The following SCIN variants were observed in gnomAD, a reference collection of about 807,000 sequenced individuals.
SCIN encodes the protein adseverin.
SCIN carries 91 observed loss-of-function variants against 91.8 expected under a neutral mutation model. The observed-to-expected ratio is 0.99, with a 90% CI of 0.84 to 1.18. SCIN has a LOEUF of 1.18. Ranked by LOEUF, SCIN falls within the 50% of genes most tolerant of loss-of-function variation. SCIN has a pLI of 0.00. For synonymous variants in SCIN, 367 were observed against 312.6 expected (o/e 1.17, Z -1.84); for missense variants, 1,087 against 863.9 (o/e 1.26, Z -3.24).
intron 3 of SCIN, among the ~76,000 whole-genome samples, chr7:12,589,764 G>T (rs892403147): frequency 6.6e-6 from 1 of 152,158 alleles, no homozygotes; most frequent in Admixed American, 6.5e-5. Context: ...CGGCTTGTTG[G>T]CAGAGGAGAT....
intron 10 of SCIN, among the ~76,000 whole-genome samples, chr7:12,639,125 C>T (rs1321627725): frequency 6.6e-6 from 1 of 152,160 alleles, no homozygotes; most frequent in African/African-American, 2.4e-5. Context: ...AATATATTAA[C>T]CATATTGAAC....
intron 13 of SCIN, among the ~76,000 whole-genome samples, chr7:12,647,759 A>C (rs1454390922): frequency 1.3e-5 from 2 of 152,230 alleles, no homozygotes; most frequent in African/African-American, 4.8e-5. Context: ...TTTATTTTGT[A>C]TAACAATCTC....
rs555404245 is a variant in SCIN, at chr7:12,627,966, C to T, written c.1198-1135C>T. On this transcript the variant is annotated intron_variant, in intron 8 of 15. Transcript: ENST00000297029. ...GCACTGCACTGTTCCTGTCCACTTG[C>T]TTATCTTCAGATTTCAAAGCAAAGA... Among the ~76,000 whole-genome samples, 4 of 152,172 alleles carry T rather than the reference C, an allele frequency of 2.6e-5. No individual in the cohort carries two copies. In the East Asian group the frequency reaches 7.7e-4, roughly 29 times the overall value.
intron 3 of SCIN, among the ~76,000 whole-genome samples, chr7:12,602,954 A>G (rs1782988283): frequency 1.3e-5 from 2 of 152,206 alleles, no homozygotes; most frequent in Non-Finnish European, 2.9e-5. Flanking sequence ...AAGAAATTAT[A>G]AGAGCATTAT....
chr7:12,580,912 T>C, intron 2 of SCIN, 148 bp from the exon 3 acceptor site: 1 of 655,672 alleles, frequency 1.5e-6, no homozygotes, highest in Non-Finnish European at 2.5e-6. Flanking sequence ...TCTCTTGTTT[T>C]ATGGAATAGG....
intron 15 of SCIN, 138 bp downstream of exon 15, chr7:12,652,039 A>G (rs1356381297): frequency 1.7e-6 from 1 of 593,114 alleles, no homozygotes; most frequent in African/African-American, 1.9e-5. Context: ...CTCAAAACTA[A>G]AGAGTAATGG....
chr7:12,613,807 T>C (rs1034116004), intron 4 of SCIN, among the ~76,000 whole-genome samples: 2 of 152,188 alleles, frequency 1.3e-5, no homozygotes, highest in Non-Finnish European at 1.5e-5. Context: ...GATGGTTTCT[T>C]CATGTAAATA....
At position 12,636,109 on chromosome 7, in the gene SCIN, C is replaced by A. The variant is rs771548886; in HGVS notation, c.1384C>A (p.Arg462=). The change falls in exon 10 of 16, where the codon CGG becomes AGG. Residue 462 remains arginine, a synonymous_variant. Coordinates refer to ENST00000297029, the MANE Select transcript of SCIN (RefSeq NM_001112706.3). ...TSAFLTVQLD[R]SLGGQAVQIR... ...TGCGTTCCTGACTGTTCAGTTGGAT[C>A]GGTCCCTTGGAGGACAGGCTGTGCA... The A allele has an allele frequency of 1.2e-6, 2 of 1,612,882 alleles. No individual in the cohort carries two copies. The highest frequency in any genetic ancestry group is 1.1e-5 in the South Asian group (1 of 90,716).
intron 8 of SCIN, among the ~76,000 whole-genome samples, chr7:12,628,015 T>C (rs1783563419): frequency 6.9e-6 from 1 of 145,838 alleles, no homozygotes; most frequent in South Asian, 2.3e-4. Context: ...AACTGAGAAC[T>C]TAGGCAAGTG....
At position 12,660,041 on chromosome 7, in the gene SCIN, A is replaced by G. The variant is rs1784232474; in HGVS notation, c.*7326A>G. ...TACTTTGTGAGATCCACCCCCTGCC[A>G]GCAAAACATTGCTCCTGACTCCACC... is the stretch of plus-strand genomic sequence containing the variant. On this transcript the variant is annotated 3_prime_UTR_variant, in exon 16 of 16. Coordinates refer to ENST00000297029, the MANE Select transcript of SCIN (RefSeq NM_001112706.3). 1.3e-5 allele frequency: 2 copies of G among 152,232 alleles called. No homozygotes were observed. Among genetic ancestry groups the G allele is most frequent in the African/African-American group, 4.8e-5 (2 of 41,412 alleles). The allele number at this position is 152,232 out of a possible 1,614,324, so 9.4% of individuals were successfully genotyped here.
At chr7:12,572,229 G>C (rs771177075) in intron 1 of SCIN, among the ~76,000 whole-genome samples, 5 of 152,200 alleles carry the variant, frequency 3.3e-5, no homozygotes, top group Non-Finnish European at 7.3e-5. Flanking sequence ...AACATTTGGA[G>C]TCAAAAATTT....
At chr7:12,627,724 T>A (rs1252030937) in intron 8 of SCIN, among the ~76,000 whole-genome samples, 1 of 152,154 alleles carries the variant, frequency 6.6e-6, no homozygotes, top group Non-Finnish European at 1.5e-5. Context: ...GGGTATTGAC[T>A]TCTGGGTCTG....
Position 12,643,483 on chromosome 7 carries a change from G to C in SCIN, c.1582-655G>C, listed in dbSNP as rs1481084405. Among the ~76,000 whole-genome samples the C allele has an allele frequency of 3.3e-5, 5 of 152,154 alleles. No homozygotes were observed. The East Asian group carries it at 9.6e-4, about 29-fold the overall frequency. On this transcript the variant is annotated intron_variant, in intron 11 of 15. Transcript: ENST00000297029. ...AGATTCCTTTGAGCTTGTTCTGTGA[G>C]GCCTCATTCCTGCTGGGAGAGGACT...
In SCIN at chr7:12,578,909, G is replaced by GTTTTTTTTTTTTTTTTTTTTT; in HGVS notation, c.354+706_354+707insTTTTTTTTTTTTTTTTTTTTT. Among the ~76,000 whole-genome samples the GTTTTTTTTTTTTTTTTTTTTT allele has an allele frequency of 2.6e-4, 22 of 85,876 alleles. 1 individual carries two copies. Among genetic ancestry groups the GTTTTTTTTTTTTTTTTTTTTT allele is most frequent in the South Asian group, 1.3e-3 (3 of 2,240 alleles). The allele number at this position is 85,876 out of a possible 152,430, so 56.3% of individuals were successfully genotyped here. Reference sequence around the variant, plus strand: ...TAAGGCAGCCTTCAGTATAGGACAGGTTTTTTTTTTTTTTTGGCATCCTCC... The same window carrying GTTTTTTTTTTTTTTTTTTTTT: ...TAAGGCAGCCTTCAGTATAGGACAGGTTTTTTTTTTTTTTTTTTTTTTTTTTTTTTTTTTTTGGCATCCTCC... On this transcript the variant is annotated intron_variant, in intron 2 of 15. Transcript: ENST00000297029.
chr7:12,614,973 G>C (rs1187583631), intron 4 of SCIN, among the ~76,000 whole-genome samples: 1 of 152,178 alleles, frequency 6.6e-6, no homozygotes, highest in African/African-American at 2.4e-5. Flanking sequence ...TTACTTTACA[G>C]ATGAGGAAAC....
intron 4 of SCIN, among the ~76,000 whole-genome samples, chr7:12,621,662 G>C (rs879422894): frequency 1.9e-5 from 1 of 52,000 alleles, no homozygotes; most frequent in Non-Finnish European, 4.0e-5. Flanking sequence ...TTTTTTGCTT[G>C]ATTCTATTTT....
Position 12,572,025 on chromosome 7 carries a change from CA to C in SCIN, c.199+1044del, listed in dbSNP as rs141769332. ...TCCCTGAGCTTAGGAGGAAAACACA[CA>C]AAACCACACACACTTACACATTTTT... On this transcript the variant is annotated intron_variant, in intron 1 of 15. Coordinates refer to ENST00000297029, the MANE Select transcript of SCIN (RefSeq NM_001112706.3). 8.5e-3 allele frequency among the ~76,000 whole-genome samples: 1,289 copies of C among 152,318 alleles called. 10 individuals carry two copies. Among genetic ancestry groups the C allele is most frequent in the Non-Finnish European group, 0.012 (821 of 68,028 alleles).
rs973334321 is a variant in SCIN at position 12,653,318 on chromosome 7, G to C, written c.*603G>C. 1 of 152,038 alleles carries C rather than the reference G, an allele frequency of 6.6e-6. No individual in the cohort carries two copies. The highest frequency in any genetic ancestry group is 6.6e-5 in the Admixed American group (1 of 15,264). 9.4% of individuals were successfully genotyped at this position (152,038 alleles called of 1,614,324 possible). A position where few individuals can be genotyped will look rare whatever the true frequency, so the allele number is the denominator to read the frequency against. The stretch of plus-strand genomic sequence containing the variant: ...TAAAATACTATGCATAATCTAGAAA[G>C]ATTTGTCAGATAGGAAATTTTATAA... On this transcript the variant is annotated 3_prime_UTR_variant, in exon 16 of 16. Transcript: ENST00000297029. This position sits in a 1 kb window ranked among gnomAD's most constrained non-coding sequence, Gnocchi z 4.1.
At chr7:12,596,060 C>G (rs776953797) in intron 3 of SCIN, among the ~76,000 whole-genome samples, 3 of 152,150 alleles carry the variant, frequency 2.0e-5, no homozygotes, top group Non-Finnish European at 4.4e-5. Context: ...AAGAAAGGAA[C>G]GTATGCTTGG....
Sources: allele counts gnomAD v4.1 joint callset (sites outside exome capture counted in the v4.1 genomes callset), GRCh38; gene constraint gnomAD v4.1.1; non-coding constraint Gnocchi (gnomAD v3.1); transcripts MANE v1.5; gene names NCBI Gene and HGNC (gene_info 2026-07-23, HGNC 2026-07-21).